TUSC3: variants seen among roughly 807,000 people sequenced by gnomAD.
TUSC3 encodes dolichyl-diphosphooligosaccharide--protein glycosyltransferase subunit TUSC3.
In TUSC3, 45 loss-of-function variants were observed where a neutral mutation model predicts 44.8. That is an observed-to-expected ratio of 1.00 (90% CI 0.79 to 1.29). The LOEUF (loss-of-function observed/expected upper bound fraction) is 1.29, where lower values mean the gene tolerates loss of function less well. TUSC3 is among the 50% of genes most tolerant of loss of function. The pLI is 0.00. For missense variants in TUSC3, 519 were observed against 437.9 expected, an observed-to-expected ratio of 1.19 and a Z score of -1.65; for synonymous variants, 212 against 152.9, an observed-to-expected ratio of 1.39 and a Z score of -2.85.
intron 5 of TUSC3, among the ~76,000 whole-genome samples, chr8:15,667,856 G>A (rs1807739442): frequency 6.6e-6 from 1 of 151,802 alleles, no homozygotes; most frequent in Non-Finnish European, 1.5e-5. Flanking sequence ...CAAAGTTGCT[G>A]TAGTTACAGT....
intron 1 of TUSC3, among the ~76,000 whole-genome samples, chr8:15,471,742 C>G (rs1800496950): frequency 6.6e-6 from 1 of 151,970 alleles, no homozygotes; most frequent in African/African-American, 2.4e-5. Context: ...CTCACCCTCC[C>G]AAGTAGCTGG....
At chr8:15,670,154 C>T (rs1807879633) in intron 5 of TUSC3, among the ~76,000 whole-genome samples, 1 of 151,684 alleles carries the variant, frequency 6.6e-6, no homozygotes, top group Admixed American at 6.6e-5. Flanking sequence ...TTGGTAGACT[C>T]AACGTTGTAA....
intron 1 of TUSC3, among the ~76,000 whole-genome samples, chr8:15,555,642 C>T (rs1009755538): frequency 3.3e-5 from 5 of 151,490 alleles, no homozygotes; most frequent in Non-Finnish European, 7.4e-5. Flanking sequence ...TATTTTACTT[C>T]GAAGGTCTCA....
rs1377502605 is a variant in TUSC3, at chr8:15,540,435, GGGCCCGGGGCGCTCCTTCACGCCGTA to G, written c.9_34del (p.Arg4SerfsTer39). 6.3e-7 allele frequency: 1 copy of G among 1,591,066 alleles called. No homozygotes were observed. Among genetic ancestry groups the G allele is most frequent in the South Asian group, 1.1e-5 (1 of 88,614 alleles). On this transcript the variant is annotated frameshift_variant, in exon 1 of 11. Transcript: ENST00000503731. LOFTEE classifies it high-confidence loss of function. ...AGGAGACACTGCCCTGCCGCGATGGGGGCCCGGGGCGCTCCTTCACGCCGTAGGCAAGCGGGGCGGCGGCTGCGGTA... is the reference window on the plus strand; with the variant it reads ...AGGAGACACTGCCCTGCCGCGATGGGGGCAAGCGGGGCGGCGGCTGCGGTA...
chr8:15,835,227 T>A, the TUSC3 span, among the ~76,000 whole-genome samples: 1 of 152,188 alleles, frequency 6.6e-6, no homozygotes, highest in Non-Finnish European at 1.5e-5. Context: ...GTTTGTAAAC[T>A]TATTTACGTA....
rs181448127 is a variant in TUSC3 at position 15,716,711 on chromosome 8, C to T, written c.799-13955C>T. Reference sequence around the variant, plus strand: ...ACTTCATTTACAAAAAACTGCTTACCGAAAAAGAAAATCATTTTTTAATGA... The same window carrying T: ...ACTTCATTTACAAAAAACTGCTTACTGAAAAAGAAAATCATTTTTTAATGA... On this transcript the variant is annotated intron_variant, in intron 6 of 10. Coordinates refer to ENST00000503731, the MANE Select transcript of TUSC3 (RefSeq NM_006765.4). Among the ~76,000 whole-genome samples the T allele has an allele frequency of 7.5e-3, 1,136 of 151,766 alleles. 16 individuals carry two copies. Among genetic ancestry groups the T allele is most frequent in the South Asian group, 0.029 (138 of 4,798 alleles).
intron 2 of TUSC3, among the ~76,000 whole-genome samples, chr8:15,526,180 C>G (rs111289495): frequency 3.3e-5 from 5 of 152,128 alleles, no homozygotes; most frequent in African/African-American, 1.2e-4. Context: ...CTACAGGCGC[C>G]CGCCATCACG....
chr8:15,610,870 C>G (rs1025109239), intron 1 of TUSC3, among the ~76,000 whole-genome samples: 1 of 152,012 alleles, frequency 6.6e-6, no homozygotes, highest in African/African-American at 2.4e-5. Context: ...TGGATCTCTC[C>G]TCAGGGAAAA....
intron 1 of TUSC3, among the ~76,000 whole-genome samples, chr8:15,421,897 G>A (rs533168007): frequency 3.3e-4 from 50 of 152,220 alleles, no homozygotes; most frequent in African/African-American, 1.2e-3. Flanking sequence ...ATAATTATTT[G>A]TTGAATGCAT....
intron 1 of TUSC3, among the ~76,000 whole-genome samples, chr8:15,465,468 C>G (rs970220073): frequency 5.3e-5 from 8 of 152,144 alleles, no homozygotes; most frequent in Non-Finnish European, 7.4e-5. Context: ...TGATCTCAGT[C>G]TATACCAACA....
intron 6 of TUSC3, among the ~76,000 whole-genome samples, chr8:15,727,106 C>T (rs376798026): frequency 4.5e-4 from 69 of 152,214 alleles, no homozygotes; most frequent in African/African-American, 1.6e-3. Context: ...TCAGGGAATT[C>T]ATTAGTCAAT....
At chr8:15,756,478 T>C (rs1264017430) in intron 9 of TUSC3, among the ~76,000 whole-genome samples, 1 of 152,186 alleles carries the variant, frequency 6.6e-6, no homozygotes, top group Non-Finnish European at 1.5e-5. Flanking sequence ...CAGTAGTACT[T>C]TGTCGCATTA....
At chr8:15,506,927 G>A (rs566270704) in intron 2 of TUSC3, among the ~76,000 whole-genome samples, 31 of 152,304 alleles carry the variant, frequency 2.0e-4, no homozygotes, top group African/African-American at 7.0e-4. Flanking sequence ...TGTCTTGGTC[G>A]GCTAGGCTTA....
chr8:15,582,027 G>T (rs1406362280), intron 1 of TUSC3, among the ~76,000 whole-genome samples: 2 of 152,032 alleles, frequency 1.3e-5, no homozygotes, highest in African/African-American at 4.8e-5. Context: ...CGCTTTTTAA[G>T]CCGGTCTGAA....
chr8:15,577,741 G>A (rs1406843594), intron 1 of TUSC3, among the ~76,000 whole-genome samples: 1 of 142,522 alleles, frequency 7.0e-6, no homozygotes, highest in African/African-American at 2.6e-5. Context: ...TTGAAGTCAG[G>A]TAGTGTGATG....
At chr8:15,579,094 T>C (rs557488919) in intron 1 of TUSC3, among the ~76,000 whole-genome samples, 1 of 152,088 alleles carries the variant, frequency 6.6e-6, no homozygotes, top group African/African-American at 2.4e-5. Flanking sequence ...ATTTTCTAGT[T>C]TATTTGCGTA....
At chr8:15,813,386 A>AAC in the TUSC3 span, among the ~76,000 whole-genome samples, 24 of 14,360 alleles carry the variant, frequency 1.7e-3, no homozygotes, top group Non-Finnish European at 4.2e-3. Flanking sequence ...ACAAACAAAC[A>AAC]AACAAAAAAA....
chr8:15,474,743 C>T (rs1368289329), intron 1 of TUSC3, among the ~76,000 whole-genome samples: 3 of 152,104 alleles, frequency 2.0e-5, no homozygotes, highest in Admixed American at 6.6e-5. Context: ...TAAAAGAATA[C>T]ATTACAAAAA....
At chr8:15,616,524 C>G (rs968461997) in intron 1 of TUSC3, among the ~76,000 whole-genome samples, 1 of 152,182 alleles carries the variant, frequency 6.6e-6, no homozygotes, top group East Asian at 1.9e-4. Context: ...TTGTAATTTG[C>G]GGAGATAGCA....
Sources: gnomAD v4.1 joint callset for allele counts (sites outside exome capture counted in the v4.1 genomes callset) on GRCh38, gnomAD v4.1.1 for gene constraint, MANE v1.5 for transcripts, NCBI Gene and HGNC (gene_info 2026-07-23, HGNC 2026-07-21) for gene names.